KCNMA1: variants seen among roughly 807,000 people sequenced by gnomAD.
The protein encoded by KCNMA1 is potassium calcium-activated channel subfamily M alpha 1.
In KCNMA1, 29 loss-of-function variants were observed where a neutral mutation model predicts 140.0. The observed-to-expected ratio is 0.21, with a 90% CI of 0.15 to 0.28. The LOEUF (loss-of-function observed/expected upper bound fraction) is 0.28, where lower values mean the gene tolerates loss of function less well. Among genes scored for constraint, KCNMA1 ranks in the 10% least tolerant of loss-of-function variants. KCNMA1 has a pLI of 1.00. For missense variants in KCNMA1, 880 were observed against 1,602.2 expected (o/e 0.55, Z 7.70); for synonymous variants, 612 against 611.9 (o/e 1.00, Z 0.00).
chr10:77,461,800 C>T (rs192277213), intron 1 of KCNMA1, among the ~76,000 whole-genome samples: 6 of 152,170 alleles, frequency 3.9e-5, no homozygotes, highest in South Asian at 4.1e-4. Flanking sequence ...CTTCCTTCCC[C>T]GTGAGTCTGC....
At chr10:77,552,031 G>A (rs2062989312) in intron 1 of KCNMA1, among the ~76,000 whole-genome samples, 1 of 152,176 alleles carries the variant, frequency 6.6e-6, no homozygotes, top group African/African-American at 2.4e-5. Context: ...CTGACCCATG[G>A]TGGGAAAAAT....
intron 1 of KCNMA1, among the ~76,000 whole-genome samples, chr10:77,424,843 T>A (rs1403034807): frequency 6.6e-6 from 1 of 152,234 alleles, no homozygotes; most frequent in Non-Finnish European, 1.5e-5. Flanking sequence ...TTCTTTCTCA[T>A]CACAACCCAT....
At chr10:77,404,686 T>C (rs747918727) in intron 1 of KCNMA1, among the ~76,000 whole-genome samples, 1 of 152,180 alleles carries the variant, frequency 6.6e-6, no homozygotes, top group Non-Finnish European at 1.5e-5. Flanking sequence ...TCTATGCCCC[T>C]TTTCACAGCA....
chr10:76,884,885 G>GTAAC lies in KCNMA1; in HGVS notation c.*2377_*2380dup. The stretch of plus-strand genomic sequence containing the variant: ...ACAAACCAATAACAGAATAAAATTT[G>GTAAC]TAACTCCTTTTTTTTTAATTTCACA... On this transcript the variant is annotated 3_prime_UTR_variant, in exon 28 of 28. Transcript: ENST00000286628. 7.1e-7 allele frequency: 1 copy of GTAAC among 1,399,704 alleles called. No homozygotes were observed. The highest frequency in any genetic ancestry group is 9.4e-7 in the Non-Finnish European group (1 of 1,068,784). 86.7% of individuals were successfully genotyped at this position (1,399,704 alleles called of 1,614,324 possible).
intron 14 of KCNMA1, among the ~76,000 whole-genome samples, chr10:77,053,374 A>G (rs1364019186): frequency 6.6e-6 from 1 of 152,220 alleles, no homozygotes; most frequent in Non-Finnish European, 1.5e-5. Context: ...GAGGACTGGG[A>G]AAAACCAGAC....
At chr10:77,089,059 C>T (rs149315149) in intron 10 of KCNMA1, among the ~76,000 whole-genome samples, 167 of 152,360 alleles carry the variant, frequency 1.1e-3, no homozygotes, top group Non-Finnish European at 1.9e-3. Flanking sequence ...ATGGGCCACA[C>T]AGCAGGTAAT....
chr10:77,308,229 A>T (rs1485707085), intron 2 of KCNMA1, among the ~76,000 whole-genome samples: 1 of 152,200 alleles, frequency 6.6e-6, no homozygotes, highest in Non-Finnish European at 1.5e-5. Flanking sequence ...AGTCCTAGCC[A>T]AGATGGCTGT....
At chr10:77,620,994 G>A (rs1603638794) in intron 1 of KCNMA1, among the ~76,000 whole-genome samples, 2 of 152,110 alleles carry the variant, frequency 1.3e-5, no homozygotes, top group East Asian at 3.9e-4. Flanking sequence ...CCATATCCCC[G>A]GGAAAAGGCC....
rs2098164495 is a variant in KCNMA1, at chr10:77,141,310, C to G, written c.809-20262G>C. Among the ~76,000 whole-genome samples the G allele has an allele frequency of 2.0e-5, 3 of 152,116 alleles. No homozygotes were observed. In the South Asian group the frequency reaches 6.2e-4, roughly 32 times the overall value. ...TCTGTTACAGGCTACATTATGGACCCCCATCCCTGCCAAAGTCGTAGGTTG... is the reference window on the plus strand; with the variant it reads ...TCTGTTACAGGCTACATTATGGACCGCCATCCCTGCCAAAGTCGTAGGTTG... On this transcript the variant is annotated intron_variant, in intron 5 of 27. Coordinates refer to ENST00000286628, the MANE Select transcript of KCNMA1 (RefSeq NM_001161352.2).
At chr10:77,221,788 TC>T (rs936490140) in intron 3 of KCNMA1, among the ~76,000 whole-genome samples, 8 of 152,108 alleles carry the variant, frequency 5.3e-5, no homozygotes, top group Non-Finnish European at 1.2e-4. Flanking sequence ...GTCTATGTTC[TC>T]CCCAACCCCC....
chr10:77,344,077 C>A (rs1163699616), intron 2 of KCNMA1, among the ~76,000 whole-genome samples: 1 of 152,234 alleles, frequency 6.6e-6, no homozygotes, highest in East Asian at 1.9e-4. Flanking sequence ...GCATCCCCTG[C>A]CCCAGCCCAG....
intron 1 of KCNMA1, among the ~76,000 whole-genome samples, chr10:77,593,101 C>T (rs560307369): frequency 6.6e-6 from 1 of 152,330 alleles, no homozygotes; most frequent in African/African-American, 2.4e-5. Context: ...GAACCTTGAG[C>T]AGTGGAGCTC....
rs546254285 is a variant in KCNMA1 at position 77,202,560 on chromosome 10, C to T, written c.603-17644G>A. On this transcript the variant is annotated intron_variant, in intron 3 of 27. Coordinates refer to ENST00000286628, the MANE Select transcript of KCNMA1 (RefSeq NM_001161352.2). The stretch of plus-strand genomic sequence containing the variant: ...TTTGTCCTTCCCAGAACTCAGTGCT[C>T]ACCACACTGAGGAGCCAACAAGTGA... 4.6e-5 allele frequency among the ~76,000 whole-genome samples: 7 copies of T among 152,286 alleles called. 1 individual carries two copies. The South Asian group carries it at 1.5e-3, about 32-fold the overall frequency.
intron 14 of KCNMA1, among the ~76,000 whole-genome samples, chr10:77,059,036 C>A (rs1483009778): frequency 4.0e-5 from 6 of 151,328 alleles, no homozygotes; most frequent in African/African-American, 1.5e-4. Flanking sequence ...TTATCACTGC[C>A]CACATTAAAA....
At chr10:77,039,883 C>CTTTTTTTTTTTTTTTTTTTTTTTT (rs34943268) in intron 14 of KCNMA1, among the ~76,000 whole-genome samples, 4 of 78,956 alleles carry the variant, frequency 5.1e-5, no homozygotes, top group Non-Finnish European at 6.6e-5. Context: ...TTTTCTTTTT[C>CTTTTTTTTTTTTTTTTTTTTTTTT]TTTTTTTTTT....
intron 13 of KCNMA1, among the ~76,000 whole-genome samples, chr10:77,078,777 T>C (rs1247782): frequency 0.94 from 142,439 of 152,328 alleles, 66,728 homozygotes; most frequent in African/African-American, 0.98. Flanking sequence ...TCACACAGTA[T>C]GTATTCAATA....
intron 1 of KCNMA1, among the ~76,000 whole-genome samples, chr10:77,496,856 T>C (rs1390538673): frequency 6.6e-6 from 1 of 152,116 alleles, no homozygotes; most frequent in African/African-American, 2.4e-5. Flanking sequence ...TCACCTGGTG[T>C]CCCACAAGTA....
intron 16 of KCNMA1, among the ~76,000 whole-genome samples, chr10:77,024,960 A>C (rs1197053633): frequency 6.6e-6 from 1 of 152,004 alleles, no homozygotes; most frequent in African/African-American, 2.4e-5. Flanking sequence ...GGAATGTGGA[A>C]GTGGTATGTA....
At chr10:77,146,041 G>A (rs984052154) in intron 5 of KCNMA1, among the ~76,000 whole-genome samples, 2 of 152,176 alleles carry the variant, frequency 1.3e-5, no homozygotes, top group African/African-American at 2.4e-5. Context: ...ATTATTACTA[G>A]GAGCCAGATA....
Sources: gnomAD v4.1 joint callset for allele counts (sites outside exome capture counted in the v4.1 genomes callset) on GRCh38, gnomAD v4.1.1 for gene constraint, MANE v1.5 for transcripts, NCBI Gene and HGNC (gene_info 2026-07-23, HGNC 2026-07-21) for gene names.